The following MORN5 variants were observed in gnomAD, a reference collection of about 807,000 sequenced individuals.
MORN5 encodes MORN repeat-containing protein 5.
Under a neutral mutation model 22.1 loss-of-function variants are expected in MORN5, and 21 were observed. The observed-to-expected ratio is 0.95, with a 90% CI of 0.67 to 1.37. The LOEUF (loss-of-function observed/expected upper bound fraction) is 1.37, where lower values mean the gene tolerates loss of function less well. Among genes scored for constraint, MORN5 ranks in the 40% most tolerant of loss-of-function variants. The pLI is 0.00. For synonymous variants in MORN5, 73 were observed against 74.0 expected (o/e 0.99, Z 0.07); for missense variants, 211 against 215.1 (o/e 0.98, Z 0.12).
chr9:122,177,109 GC>G (rs147250770), intron 4 of MORN5, among the ~76,000 whole-genome samples: 2 of 152,350 alleles, frequency 1.3e-5, no homozygotes, highest in African/African-American at 4.8e-5. Flanking sequence ...ACCAGCTGGG[GC>G]TTGCTCCTGG....
intron 3 of MORN5, among the ~76,000 whole-genome samples, chr9:122,174,119 G>A (rs7853601): frequency 0.035 from 5,327 of 152,204 alleles, 120 homozygotes; most frequent in South Asian, 0.055. Context: ...CTCTGCCCAC[G>A]CTTTGAATGC....
intron 4 of MORN5, among the ~76,000 whole-genome samples, chr9:122,184,049 A>C (rs1364492190): frequency 6.6e-6 from 1 of 152,200 alleles, no homozygotes; most frequent in African/African-American, 2.4e-5. Context: ...CAGAATCATG[A>C]GGAAGATGGC....
chr9:122,163,670 T>C (rs1056681079), intron 1 of MORN5, among the ~76,000 whole-genome samples: 2 of 152,248 alleles, frequency 1.3e-5, no homozygotes, highest in South Asian at 2.1e-4. Context: ...AGAGGAGTTA[T>C]GCAAAGGGAA....
chr9:122,175,267 G>A (rs1184329709), intron 4 of MORN5, among the ~76,000 whole-genome samples: 5 of 152,186 alleles, frequency 3.3e-5, no homozygotes, highest in South Asian at 4.1e-4. Flanking sequence ...GTTTCCCAGC[G>A]AGAGGAAATG....
chr9:122,199,734 A>C (rs1829972074), intron 4 of MORN5, 151 bp from the exon 5 acceptor site: 1 of 723,154 alleles, frequency 1.4e-6, no homozygotes, highest in African/African-American at 1.8e-5. Context: ...AATTCAGTGT[A>C]AATGAAAGGT....
chr9:122,178,456 C>G (rs933026864), intron 4 of MORN5, among the ~76,000 whole-genome samples: 1 of 152,172 alleles, frequency 6.6e-6, no homozygotes, highest in Non-Finnish European at 1.5e-5. Context: ...CCACTGCACT[C>G]CAGCCTGGGT....
At chr9:122,193,281 T>C (rs1258820828) in intron 4 of MORN5, among the ~76,000 whole-genome samples, 1 of 152,216 alleles carries the variant, frequency 6.6e-6, no homozygotes, top group African/African-American at 2.4e-5. Context: ...ATTTGGTTGT[T>C]TGTGTTAAAA....
intron 4 of MORN5, among the ~76,000 whole-genome samples, chr9:122,183,446 C>T (rs1829566118): frequency 6.6e-6 from 1 of 152,156 alleles, no homozygotes; most frequent in African/African-American, 2.4e-5. Flanking sequence ...ATGCGAGTGT[C>T]TCAGATGAAA....
At chr9:122,177,393 T>C (rs191929554) in intron 4 of MORN5, among the ~76,000 whole-genome samples, 60 of 152,330 alleles carry the variant, frequency 3.9e-4, no homozygotes, top group African/African-American at 1.3e-3. Flanking sequence ...ATTGCCAAGT[T>C]AAGTATGGAA....
intron 1 of MORN5, among the ~76,000 whole-genome samples, chr9:122,165,224 G>A (rs771127948): frequency 1.4e-4 from 21 of 151,800 alleles, no homozygotes; most frequent in Admixed American, 2.0e-4. Flanking sequence ...TAGGAAAATC[G>A]TTATATGTTA....
intron 4 of MORN5, 66 bp from the exon 5 acceptor site, chr9:122,199,819 A>C: frequency 1.3e-6 from 2 of 1,528,010 alleles, no homozygotes; most frequent in Non-Finnish European, 1.8e-6. Context: ...CACCTGGGGA[A>C]CCCCCCAGGC....
chr9:122,200,005 C>T lies in MORN5; in HGVS notation c.*74C>T. On this transcript the variant is annotated 3_prime_UTR_variant, in exon 5 of 5. Transcript: ENST00000373764. Reference sequence around the variant, plus strand: ...CCACCAGAGGTTTCCATCTGCCCTACTAGCATTGGCTGCCCTGGGGGACGG... The same window carrying T: ...CCACCAGAGGTTTCCATCTGCCCTATTAGCATTGGCTGCCCTGGGGGACGG... The T allele has an allele frequency of 1.4e-6, 2 of 1,446,220 alleles. No individual in the cohort carries two copies. The highest frequency in any genetic ancestry group is 1.4e-5 in the African/African-American group (1 of 71,798). The allele number at this position is 1,446,220 out of a possible 1,614,324, so 89.6% of individuals were successfully genotyped here. A position where few individuals can be genotyped will look rare whatever the true frequency, so the allele number is the denominator to read the frequency against.
At chr9:122,175,800 G>T in intron 4 of MORN5, 1 of 729,926 alleles carries the variant, frequency 1.4e-6, no homozygotes, top group Non-Finnish European at 1.7e-6. Flanking sequence ...GACCAGAAAG[G>T]TGCCTCATGG....
intron 4 of MORN5, among the ~76,000 whole-genome samples, chr9:122,181,274 C>T (rs751910419): frequency 2.0e-5 from 3 of 152,226 alleles, no homozygotes; most frequent in Non-Finnish European, 4.4e-5. Context: ...CTAGCAGCAT[C>T]AGTCATTTCT....
intron 4 of MORN5, among the ~76,000 whole-genome samples, chr9:122,185,855 C>T (rs1829621918): frequency 6.6e-6 from 1 of 152,204 alleles, no homozygotes; most frequent in African/African-American, 2.4e-5. Context: ...TCTGCAAACC[C>T]AGGCTACCTT....
chr9:122,166,992 C>T, intron 2 of MORN5, 77 bp downstream of exon 2: 2 of 1,417,960 alleles, frequency 1.4e-6, no homozygotes, highest in South Asian at 1.3e-5. Context: ...GCACCCCATC[C>T]TCCCTGTCTG....
At chr9:122,191,364 ACT>A (rs1308695371) in intron 4 of MORN5, among the ~76,000 whole-genome samples, 2 of 152,148 alleles carry the variant, frequency 1.3e-5, no homozygotes, top group Non-Finnish European at 2.9e-5. Context: ...ACTGAGCGTA[ACT>A]CTGGTGCCAG....
intron 4 of MORN5, among the ~76,000 whole-genome samples, chr9:122,178,210 C>T (rs1051561522): frequency 1.3e-5 from 2 of 152,044 alleles, no homozygotes; most frequent in African/African-American, 2.4e-5. Context: ...CAAAACAGAC[C>T]GAGTGCAGTT....
Position 122,199,996 on chromosome 9 carries a change from T to C in MORN5, c.*65T>C. 6 of 1,539,092 alleles carry C rather than the reference T, an allele frequency of 3.9e-6. No individual in the cohort carries two copies. Among genetic ancestry groups the C allele is most frequent in the Non-Finnish European group, 5.4e-6 (6 of 1,111,752 alleles). On this transcript the variant is annotated 3_prime_UTR_variant, in exon 5 of 5. Transcript: ENST00000373764. ...TGGCTGCCTCCACCAGAGGTTTCCA[T>C]CTGCCCTACTAGCATTGGCTGCCCT... is the stretch of plus-strand genomic sequence containing the variant.
Sources: gnomAD v4.1 joint callset for allele counts (sites outside exome capture counted in the v4.1 genomes callset) on GRCh38, gnomAD v4.1.1 for gene constraint, MANE v1.5 for transcripts, NCBI Gene and HGNC (gene_info 2026-07-23, HGNC 2026-07-21) for gene names.